TOR1AIP1: variants seen among roughly 807,000 people sequenced by gnomAD.
The protein encoded by TOR1AIP1 is torsin 1A interacting protein 1.
In TOR1AIP1, 54 loss-of-function variants were observed where a neutral mutation model predicts 63.3. The observed-to-expected ratio is 0.85, with a 90% CI of 0.69 to 1.07. TOR1AIP1 has a LOEUF of 1.07. Among genes scored for constraint, TOR1AIP1 ranks in the 50% least tolerant of loss-of-function variants. The pLI is 0.00. For missense variants in TOR1AIP1, 736 were observed against 715.0 expected (o/e 1.03, Z -0.33); for synonymous variants, 294 against 273.5 (o/e 1.07, Z -0.74).
rs542515044 is a variant in TOR1AIP1 at position 179,908,240 on chromosome 1, C to T, written c.839-365C>T. On this transcript the variant is annotated intron_variant, in intron 7 of 9. Transcript: ENST00000606911. ...ATCAATTCTAACCTTGCCTTATTCT[C>T]CCAACAAAAGTTGTAATAAGATTTT... Among the ~76,000 whole-genome samples the T allele has an allele frequency of 1.1e-4, 17 of 152,130 alleles. No individual in the cohort carries two copies. In the South Asian group the frequency reaches 3.5e-3, roughly 32 times the overall value.
chr1:179,909,139 C>T (rs958079853), intron 8 of TOR1AIP1, among the ~76,000 whole-genome samples: 6 of 151,154 alleles, frequency 4.0e-5, no homozygotes, highest in African/African-American at 1.2e-4. Flanking sequence ...CCAGCCTGGG[C>T]GACAGAGCGA....
At chr1:179,899,080 C>G (rs1381535091) in intron 3 of TOR1AIP1, among the ~76,000 whole-genome samples, 2 of 152,002 alleles carry the variant, frequency 1.3e-5, no homozygotes, top group African/African-American at 4.8e-5. Flanking sequence ...TTAGCAGTTG[C>G]TTTCTATAAT....
intron 1 of TOR1AIP1, chr1:179,883,820 C>T (rs1647823061): frequency 2.7e-6 from 1 of 371,230 alleles, no homozygotes; most frequent in Non-Finnish European, 5.4e-6. Context: ...TATCCTCTCC[C>T]ACCCTGCCCC....
At chr1:179,895,792 C>T (rs1402153490) in intron 3 of TOR1AIP1, among the ~76,000 whole-genome samples, 1 of 151,832 alleles carries the variant, frequency 6.6e-6, no homozygotes, top group Non-Finnish European at 1.5e-5. Flanking sequence ...CCCAGCTACT[C>T]GGGAAACTGA....
At chr1:179,900,248 G>A (rs1648408029) in intron 4 of TOR1AIP1, 81 bp downstream of exon 4, 2 of 1,029,102 alleles carry the variant, frequency 1.9e-6, no homozygotes, top group Non-Finnish European at 2.9e-6. Context: ...AGATATTTAA[G>A]AAGTGGGAAC....
Position 179,918,374 on chromosome 1 carries a change from A to T in TOR1AIP1, c.*135A>T, listed in dbSNP as rs1052019386. 9.0e-6 allele frequency: 7 copies of T among 780,410 alleles called. No individual in the cohort carries two copies. Among genetic ancestry groups the T allele is most frequent in the African/African-American group, 1.8e-5 (1 of 57,020 alleles). The allele number at this position is 780,410 out of a possible 1,614,324, so 48.3% of individuals were successfully genotyped here. Reference sequence around the variant, plus strand: ...AAGTTAAGTGCTTACATAAACATGGAACATATAAATCATTCATTCAACCTA... The same window carrying T: ...AAGTTAAGTGCTTACATAAACATGGTACATATAAATCATTCATTCAACCTA... On this transcript the variant is annotated 3_prime_UTR_variant, in exon 10 of 10. Transcript: ENST00000606911.
intron 3 of TOR1AIP1, among the ~76,000 whole-genome samples, chr1:179,890,067 C>A (rs1049437452): frequency 6.6e-6 from 1 of 152,068 alleles, no homozygotes; most frequent in African/African-American, 2.4e-5. Context: ...TCCTGTGATT[C>A]TTTATGATGA....
chr1:179,884,860 G>A, intron 2 of TOR1AIP1, 91 bp downstream of exon 2: 1 of 949,420 alleles, frequency 1.1e-6, no homozygotes, highest in Non-Finnish European at 1.6e-6. Flanking sequence ...GTAAAGAAAA[G>A]ACAAGGGCAG....
Position 179,918,988 on chromosome 1 carries a change from T to C in TOR1AIP1, c.*749T>C, listed in dbSNP as rs1436534713. 1 of 152,176 alleles carries C rather than the reference T, an allele frequency of 6.6e-6. No individual in the cohort carries two copies. The highest frequency in any genetic ancestry group is 2.4e-5 in the African/African-American group (1 of 41,434). 9.4% of individuals were successfully genotyped at this position (152,176 alleles called of 1,614,324 possible). On this transcript the variant is annotated 3_prime_UTR_variant, in exon 10 of 10. Coordinates refer to ENST00000606911, the MANE Select transcript of TOR1AIP1 (RefSeq NM_015602.4). ...GGATTCTTCATGTATATTGCAAAAT[T>C]TAATATATTTGTTCACTTGAGTCTT...
At chr1:179,891,062 A>G (rs540846465) in intron 3 of TOR1AIP1, among the ~76,000 whole-genome samples, 1 of 152,258 alleles carries the variant, frequency 6.6e-6, no homozygotes, top group South Asian at 2.1e-4. Flanking sequence ...ACCTCCCATA[A>G]ACAGCCTTGG....
intron 2 of TOR1AIP1, among the ~76,000 whole-genome samples, chr1:179,887,471 A>G (rs1457509825): frequency 1.3e-5 from 2 of 152,208 alleles, no homozygotes; most frequent in Non-Finnish European, 2.9e-5. Context: ...TCATTTGGTT[A>G]TCTTGTTATT....
Position 179,908,693 on chromosome 1 carries a change from T to C in TOR1AIP1, c.907+20T>C. 1 of 1,594,852 alleles carries C rather than the reference T, an allele frequency of 6.3e-7. No individual in the cohort carries two copies. The stretch of plus-strand genomic sequence containing the variant: ...TGCAAAGTAAGTAGATAAATCTCTG[T>C]TATTGAAATAATCTTGTGTATTTGC... On this transcript the variant is annotated intron_variant, in intron 8 of 9. Coordinates refer to ENST00000606911, the MANE Select transcript of TOR1AIP1 (RefSeq NM_015602.4).
At chr1:179,884,615 C>CA in intron 1 of TOR1AIP1, 77 bp from the exon 2 acceptor site, 2 of 1,265,590 alleles carry the variant, frequency 1.6e-6, no homozygotes, top group Admixed American at 2.5e-5. Context: ...TGTATTGTTA[C>CA]AAAAATGCAT....
chr1:179,916,713 T>TTC (rs11436052), intron 9 of TOR1AIP1, among the ~76,000 whole-genome samples: 1 of 142,266 alleles, frequency 7.0e-6, no homozygotes, highest in Non-Finnish European at 1.5e-5. Flanking sequence ...TTTTTTTTTT[T>TTC]TTTTTTTTGA....
At position 179,882,878 on chromosome 1, in the gene TOR1AIP1, A is replaced by G. The variant is rs1316565602; in HGVS notation, c.376A>G (p.Arg126Gly). Residue 126 changes from arginine to glycine, a missense_variant, in exon 1 of 10, where the codon AGG becomes GGG. By Grantham distance (125) the Arg-to-Gly change is moderately radical (BLOSUM62 -2). Transcript: ENST00000606911. The stretch of plus-strand genomic sequence containing the variant: ...GGAAACCGAGGAAATGAAGACGCGA[A>G]GGACTACCCGCCTTCAGCAGCAGCA... ...PQETEEMKTR[R>G]TTRLQQQHSE... The G allele has an allele frequency of 6.2e-7, 1 of 1,614,196 alleles. No homozygotes were observed. Among genetic ancestry groups the G allele is most frequent in the Non-Finnish European group, 8.5e-7 (1 of 1,180,022 alleles).
intron 6 of TOR1AIP1, among the ~76,000 whole-genome samples, chr1:179,907,600 T>TATATATATATATATATATATATATAC (rs1285324729): frequency 9.1e-5 from 2 of 21,966 alleles, no homozygotes; most frequent in Non-Finnish European, 2.3e-4. Context: ...ACTTTATATA[T>TATATATATATATATATATATATATAC]ATATATATAT....
At chr1:179,896,845 G>T (rs1311962084) in intron 3 of TOR1AIP1, among the ~76,000 whole-genome samples, 1 of 152,122 alleles carries the variant, frequency 6.6e-6, no homozygotes, top group Non-Finnish European at 1.5e-5. Context: ...ATAATGTTTA[G>T]AATGACATTC....
At chr1:179,901,680 C>G (rs1361836871) in intron 5 of TOR1AIP1, among the ~76,000 whole-genome samples, 1 of 152,112 alleles carries the variant, frequency 6.6e-6, no homozygotes, top group African/African-American at 2.4e-5. Context: ...AGAAACTAAT[C>G]ACATTGCCAT....
intron 3 of TOR1AIP1, among the ~76,000 whole-genome samples, chr1:179,894,484 C>G (rs979916206): frequency 6.6e-6 from 1 of 151,968 alleles, no homozygotes; most frequent in Non-Finnish European, 1.5e-5. Flanking sequence ...GTCAGGAGTT[C>G]AAGACTAGCC....
Sources: allele counts gnomAD v4.1 joint callset (sites outside exome capture counted in the v4.1 genomes callset), GRCh38; gene constraint gnomAD v4.1.1; transcripts MANE v1.5; gene names NCBI Gene and HGNC (gene_info 2026-07-23, HGNC 2026-07-21).